The following CFAP97D2 variants were observed in gnomAD, a reference collection of about 807,000 sequenced individuals.
CFAP97D2 encodes the protein CFAP97 domain containing 2.
chr13:114,189,050 A>G lies in CFAP97D2; in HGVS notation c.91-7346A>G, dbSNP rs1406188698. ...TAATATTATTACTTATATTACTAGT[A>G]TATATGTAATAATATAACTATAATA... On this transcript the variant is annotated intron_variant, in intron 1 of 4. Transcript: ENST00000646158. This position sits in a 1 kb window ranked among gnomAD's most constrained non-coding sequence, Gnocchi z 4.5. Among the ~76,000 whole-genome samples the G allele has an allele frequency of 6.7e-6, 1 of 148,794 alleles. No homozygotes were observed. Among genetic ancestry groups the G allele is most frequent in the East Asian group, 1.9e-4 (1 of 5,144 alleles).
At chr13:114,195,591 C>T (rs530972800) in intron 1 of CFAP97D2, among the ~76,000 whole-genome samples, 1 of 152,312 alleles carries the variant, frequency 6.6e-6, no homozygotes, top group South Asian at 2.1e-4. Context: ...AGCAGTGATA[C>T]ATACAGGTCT....
chr13:114,191,559 C>T (rs186540453), intron 1 of CFAP97D2, among the ~76,000 whole-genome samples: 118 of 152,258 alleles, frequency 7.7e-4, no homozygotes, highest in Admixed American at 3.6e-3. Flanking sequence ...CAAATTAAAA[C>T]AATAATGGCC....
chr13:114,217,628 AAAATACTGGC>A (rs2081001503), intron 4 of CFAP97D2, among the ~76,000 whole-genome samples: 1 of 152,224 alleles, frequency 6.6e-6, no homozygotes, highest in Admixed American at 6.5e-5. Context: ...AATCCTCAAT[AAAATACTGGC>A]AAACCGAATC....
intron 2 of CFAP97D2, among the ~76,000 whole-genome samples, chr13:114,198,053 T>C (rs999504156): frequency 1.3e-5 from 2 of 151,990 alleles, no homozygotes; most frequent in African/African-American, 4.8e-5. Context: ...AGTGGCACGA[T>C]CTCGGCTCAC....
rs565224296 is a variant in CFAP97D2, at chr13:114,189,656, G to C, written c.91-6740G>C. Among the ~76,000 whole-genome samples the C allele has an allele frequency of 1.3e-5, 2 of 152,272 alleles. No individual in the cohort carries two copies. The highest frequency in any genetic ancestry group is 1.9e-4 in the East Asian group (1 of 5,196). On this transcript the variant is annotated intron_variant, in intron 1 of 4. Transcript: ENST00000646158. This position sits in a 1 kb window ranked among gnomAD's most constrained non-coding sequence, Gnocchi z 4.5. The stretch of plus-strand genomic sequence containing the variant: ...AGTGGGATTCATTCCAGGTATGCAA[G>C]GCTGGCTCATCATTCAAAAATCAAT...
chr13:114,212,441 C>A (rs527755124), intron 4 of CFAP97D2, among the ~76,000 whole-genome samples: 21 of 152,188 alleles, frequency 1.4e-4, no homozygotes, highest in South Asian at 4.1e-4. Flanking sequence ...TGGCCAGGCG[C>A]AGTGGCTCAC....
intron 1 of CFAP97D2, among the ~76,000 whole-genome samples, chr13:114,180,397 G>A (rs753600665): frequency 4.5e-4 from 69 of 152,212 alleles, no homozygotes; most frequent in Middle Eastern, 6.8e-3. Flanking sequence ...CCCACGTCAG[G>A]CCTCTGCACC....
At chr13:114,215,857 A>T (rs1237321110) in intron 4 of CFAP97D2, 2 of 152,174 alleles carry the variant, frequency 1.3e-5, no homozygotes, top group African/African-American at 4.8e-5. Flanking sequence ...ATTCTCTCTC[A>T]CAATGACAGA....
rs2080965476 is a variant in CFAP97D2 at position 114,211,265 on chromosome 13, C to T, written c.291-647C>T. On this transcript the variant is annotated intron_variant, in intron 3 of 4. Transcript: ENST00000646158. The surrounding 1 kb of genome is among the most constrained non-coding windows in gnomAD (Gnocchi z 4.2). ...CCTCCTGAACAGGTTTCACCGGTCC[C>T]ATCTCACCACTGCAGTGGGCTGGCA... 6.6e-6 allele frequency among the ~76,000 whole-genome samples: 1 copy of T among 152,180 alleles called. No individual in the cohort carries two copies. The highest frequency in any genetic ancestry group is 6.5e-5 in the Admixed American group (1 of 15,284).
At chr13:114,218,554 A>G (rs1364864089) in intron 4 of CFAP97D2, among the ~76,000 whole-genome samples, 2 of 152,332 alleles carry the variant, frequency 1.3e-5, no homozygotes, top group East Asian at 3.9e-4. Flanking sequence ...ACCAAAAAAG[A>G]GCCCACATTG....
chr13:114,198,902 C>T (rs183540124), intron 2 of CFAP97D2, among the ~76,000 whole-genome samples: 90 of 20,930 alleles, frequency 4.3e-3, no homozygotes, highest in East Asian at 0.011. Flanking sequence ...CGGTCCCCAC[C>T]GAGGGGTGAC....
In CFAP97D2 at chr13:114,189,654, A is replaced by C. The variant is rs149535179; in HGVS notation, c.91-6742A>C. Among the ~76,000 whole-genome samples the C allele has an allele frequency of 6.6e-6, 1 of 152,326 alleles. No individual in the cohort carries two copies. Among genetic ancestry groups the C allele is most frequent in the African/African-American group, 2.4e-5 (1 of 41,576 alleles). Reference sequence around the variant, plus strand: ...CAAGTGGGATTCATTCCAGGTATGCAAGGCTGGCTCATCATTCAAAAATCA... The same window carrying C: ...CAAGTGGGATTCATTCCAGGTATGCCAGGCTGGCTCATCATTCAAAAATCA... On this transcript the variant is annotated intron_variant, in intron 1 of 4. Transcript: ENST00000646158. The surrounding 1 kb of genome is among the most constrained non-coding windows in gnomAD (Gnocchi z 4.5).
At chr13:114,204,894 A>G (rs1442978443) in intron 3 of CFAP97D2, among the ~76,000 whole-genome samples, 1 of 152,224 alleles carries the variant, frequency 6.6e-6, no homozygotes, top group Non-Finnish European at 1.5e-5. Context: ...AAAAAAACCC[A>G]CAGAATGGGA....
intron 1 of CFAP97D2, among the ~76,000 whole-genome samples, chr13:114,190,282 A>G (rs2080864763): frequency 6.6e-6 from 1 of 152,228 alleles, no homozygotes; most frequent in Non-Finnish European, 1.5e-5. Flanking sequence ...GTAACATTGT[A>G]CTGAAAATGT....
rs542621975 is a variant in CFAP97D2, at chr13:114,203,992, A to G, written c.290+3549A>G. 6.6e-6 allele frequency among the ~76,000 whole-genome samples: 1 copy of G among 152,326 alleles called. No individual in the cohort carries two copies. The highest frequency in any genetic ancestry group is 1.9e-4 in the East Asian group (1 of 5,186). ...AGTCAAAACAATCCTGAAAAAGAAG[A>G]TCAAAGTAGTAGGACTCATGTGTCC... is the stretch of plus-strand genomic sequence containing the variant. On this transcript the variant is annotated intron_variant, in intron 3 of 4. Transcript: ENST00000646158. The surrounding 1 kb of genome is among the most constrained non-coding windows in gnomAD (Gnocchi z 4.3).
chr13:114,197,352 G>T (rs2080892930), intron 2 of CFAP97D2, among the ~76,000 whole-genome samples: 1 of 152,084 alleles, frequency 6.6e-6, no homozygotes, highest in South Asian at 2.1e-4. Flanking sequence ...CAGTTTTAAG[G>T]TCTCTGTTTT....
chr13:114,217,503 G>A (rs995161610), intron 4 of CFAP97D2, among the ~76,000 whole-genome samples: 9 of 152,192 alleles, frequency 5.9e-5, no homozygotes, highest in African/African-American at 2.2e-4. Context: ...GAAAAAGTGG[G>A]AATCCTCCCT....
At chr13:114,190,171 C>T (rs2080864300) in intron 1 of CFAP97D2, among the ~76,000 whole-genome samples, 1 of 152,072 alleles carries the variant, frequency 6.6e-6, no homozygotes, top group Admixed American at 6.6e-5. Flanking sequence ...GAAAAACAAC[C>T]TCTACCTAAC....
intron 1 of CFAP97D2, among the ~76,000 whole-genome samples, chr13:114,182,488 T>C (rs1034921247): frequency 6.6e-6 from 1 of 151,772 alleles, no homozygotes; most frequent in South Asian, 2.1e-4. Flanking sequence ...ACAGACCCTT[T>C]ACCGGTGTCG....
Sources: gnomAD v4.1 joint callset for allele counts (sites outside exome capture counted in the v4.1 genomes callset) on GRCh38, gnomAD v4.1.1 for gene constraint, Gnocchi (gnomAD v3.1) non-coding constraint, MANE v1.5 for transcripts, NCBI Gene and HGNC (gene_info 2026-07-23, HGNC 2026-07-21) for gene names.